Variants in CYP2C18 observed in about 807,000 individuals in gnomAD.
CYP2C18 encodes cytochrome P450 family 2 subfamily C member 18, also known as cytochrome P450 2C18.
A neutral mutation model predicts 41.3 loss-of-function variants in CYP2C18; 38 were observed. The ratio of observed to expected loss-of-function variants is 0.92; its 90% CI spans 0.71 to 1.21. CYP2C18 has a LOEUF of 1.21. CYP2C18 is among the 50% of genes most tolerant of loss of function. The pLI is 0.00. For synonymous variants in CYP2C18, 236 were observed against 210.0 expected (o/e 1.12, Z -1.07); for missense variants, 635 against 591.4 (o/e 1.07, Z -0.77).
At chr10:94,695,651 A>C (rs1847102357) in intron 4 of CYP2C18, among the ~76,000 whole-genome samples, 1 of 152,122 alleles carries the variant, frequency 6.6e-6, no homozygotes. Context: ...CAGTGGGTGC[A>C]GCACAATGAG....
At chr10:94,713,573 T>G (rs542612044) in intron 5 of CYP2C18, among the ~76,000 whole-genome samples, 1 of 152,338 alleles carries the variant, frequency 6.6e-6, no homozygotes, top group Non-Finnish European at 1.5e-5. Flanking sequence ...CTTAATCCAG[T>G]CTATCACTGA....
At chr10:94,687,551 A>G (rs1027585400) in intron 1 of CYP2C18, among the ~76,000 whole-genome samples, 7 of 152,240 alleles carry the variant, frequency 4.6e-5, no homozygotes, top group African/African-American at 1.4e-4. Flanking sequence ...GATTAAGTTT[A>G]ATAGCCTGCA....
chr10:94,711,403 G>A (rs1416614244), intron 5 of CYP2C18, among the ~76,000 whole-genome samples: 4 of 151,988 alleles, frequency 2.6e-5, no homozygotes, highest in Non-Finnish European at 5.9e-5. Flanking sequence ...AATATTGAGT[G>A]TGACTAAATT....
intron 3 of CYP2C18, among the ~76,000 whole-genome samples, chr10:94,688,843 T>C (rs1435795766): frequency 6.6e-6 from 1 of 152,222 alleles, no homozygotes; most frequent in Admixed American, 6.5e-5. Flanking sequence ...TTATCTATTC[T>C]AGAACATTTC....
At chr10:94,734,044 G>T (rs1406859997) in intron 8 of CYP2C18, among the ~76,000 whole-genome samples, 1 of 152,042 alleles carries the variant, frequency 6.6e-6, no homozygotes, top group Non-Finnish European at 1.5e-5. Context: ...GGAAACTTAA[G>T]CTGCCTCATT....
At chr10:94,733,072 T>C (rs913695248) in intron 7 of CYP2C18, among the ~76,000 whole-genome samples, 1 of 152,056 alleles carries the variant, frequency 6.6e-6, no homozygotes, top group African/African-American at 2.4e-5. Context: ...ACTCAAATGC[T>C]CAGGACTTCA....
At chr10:94,735,144 C>T in intron 8 of CYP2C18, 119 bp from the exon 9 acceptor site, 3 of 1,002,958 alleles carry the variant, frequency 3.0e-6, no homozygotes, top group Non-Finnish European at 4.5e-6. Flanking sequence ...TCCTTCCAGT[C>T]ATTCTGCCTT....
intron 1 of CYP2C18, among the ~76,000 whole-genome samples, chr10:94,685,333 C>T: frequency 6.6e-6 from 1 of 152,018 alleles, no homozygotes. Context: ...TGCACTTGAC[C>T]CCTTTGCTCG....
In CYP2C18 at chr10:94,735,691, C is replaced by G; in HGVS notation, c.*247C>G. On this transcript the variant is annotated 3_prime_UTR_variant, in exon 9 of 9. Coordinates refer to ENST00000285979, the MANE Select transcript of CYP2C18 (RefSeq NM_000772.3). The stretch of plus-strand genomic sequence containing the variant: ...GTATTGACCACCACATATGCTAATA[C>G]CTATCTACTGCTGAGTTGTCAGTAT... 1 of 495,488 alleles carries G rather than the reference C, an allele frequency of 2.0e-6. No individual in the cohort carries two copies. Among genetic ancestry groups the G allele is most frequent in the South Asian group, 3.4e-5 (1 of 29,280 alleles). The allele number at this position is 495,488 out of a possible 1,614,324, so 30.7% of individuals were successfully genotyped here. A position where few individuals can be genotyped will look rare whatever the true frequency, so the allele number is the denominator to read the frequency against.
At chr10:94,687,592 T>C (rs1846913476) in intron 1 of CYP2C18, among the ~76,000 whole-genome samples, 178 bp from the exon 2 acceptor site, 1 of 152,248 alleles carries the variant, frequency 6.6e-6, no homozygotes, top group African/African-American at 2.4e-5. Context: ...GAAGGCACTG[T>C]ATATGTGCAG....
chr10:94,691,846 A>C (rs1360928828), intron 3 of CYP2C18, among the ~76,000 whole-genome samples: 1 of 152,228 alleles, frequency 6.6e-6, no homozygotes, highest in African/African-American at 2.4e-5. Flanking sequence ...ATGGAACAGA[A>C]CAGAGCCCTC....
At chr10:94,724,842 G>A (rs35695457) in intron 7 of CYP2C18, among the ~76,000 whole-genome samples, 30,504 of 151,544 alleles carry the variant, frequency 0.2, 3,275 homozygotes, top group Middle Eastern at 0.23. Context: ...CCAAAACACT[G>A]TGCTGGGATT....
intron 7 of CYP2C18, among the ~76,000 whole-genome samples, chr10:94,726,635 G>C (rs1847747492): frequency 6.6e-6 from 1 of 152,006 alleles, no homozygotes; most frequent in African/African-American, 2.4e-5. Context: ...ATTGTGAATA[G>C]TGCCACAATA....
At chr10:94,698,898 C>T (rs1435368133) in intron 4 of CYP2C18, among the ~76,000 whole-genome samples, 3 of 152,082 alleles carry the variant, frequency 2.0e-5, no homozygotes, top group East Asian at 1.9e-4. Flanking sequence ...ATAAATTCCT[C>T]GACACATACA....
intron 5 of CYP2C18, among the ~76,000 whole-genome samples, chr10:94,713,506 C>G (rs1223087618): frequency 1.5e-4 from 23 of 152,064 alleles, no homozygotes; most frequent in Admixed American, 1.5e-3. Flanking sequence ...ACAAGGGATA[C>G]GAACTCATCC....
chr10:94,688,688 G>T (rs192612241), intron 3 of CYP2C18, among the ~76,000 whole-genome samples: 1 of 152,264 alleles, frequency 6.6e-6, no homozygotes, highest in Non-Finnish European at 1.5e-5. Flanking sequence ...CTATGCATAC[G>T]CTGTGAGTAT....
intron 4 of CYP2C18, among the ~76,000 whole-genome samples, chr10:94,702,052 A>G (rs1442155393): frequency 6.6e-6 from 1 of 152,178 alleles, no homozygotes; most frequent in African/African-American, 2.4e-5. Context: ...AAAAATGTTG[A>G]ATAGTGGCCC....
chr10:94,726,194 T>G (rs1847738020), intron 7 of CYP2C18, among the ~76,000 whole-genome samples: 1 of 137,762 alleles, frequency 7.3e-6, no homozygotes, highest in South Asian at 2.8e-4. Context: ...AAAAAAATTT[T>G]TTTTCAATTT....
At chr10:94,700,531 A>C (rs1012581219) in intron 4 of CYP2C18, among the ~76,000 whole-genome samples, 1 of 152,190 alleles carries the variant, frequency 6.6e-6, no homozygotes, top group Admixed American at 6.5e-5. Flanking sequence ...GTAGAAGAAA[A>C]CCTAGGCAAT....
Sources: gnomAD v4.1 joint callset for allele counts (sites outside exome capture counted in the v4.1 genomes callset) on GRCh38, gnomAD v4.1.1 for gene constraint, MANE v1.5 for transcripts, NCBI Gene and HGNC (gene_info 2026-07-23, HGNC 2026-07-21) for gene names.